TMCO4: variants seen among roughly 807,000 people sequenced by gnomAD.
The protein encoded by TMCO4 is transmembrane and coiled-coil domains 4, also known as transmembrane and coiled-coil domain-containing protein 4.
A neutral mutation model predicts 64.7 loss-of-function variants in TMCO4; 58 were observed. That is an observed-to-expected ratio of 0.90 (90% CI 0.73 to 1.12). TMCO4 has a LOEUF of 1.12. TMCO4 is among the 50% of genes most tolerant of loss of function. TMCO4 has a pLI of 0.00. For synonymous variants in TMCO4, 325 were observed against 346.1 expected (o/e 0.94, Z 0.68); for missense variants, 780 against 825.9 (o/e 0.94, Z 0.68).
At chr1:19,784,359 C>T (rs374284280) in intron 3 of TMCO4, among the ~76,000 whole-genome samples, 1 of 152,066 alleles carries the variant, frequency 6.6e-6, no homozygotes, top group South Asian at 2.1e-4. Flanking sequence ...CATAGTGAAA[C>T]CCCGTCTCTA....
chr1:19,716,989 C>A (rs2095359825), intron 13 of TMCO4, among the ~76,000 whole-genome samples: 1 of 152,120 alleles, frequency 6.6e-6, no homozygotes, highest in Non-Finnish European at 1.5e-5. Flanking sequence ...GAGTTCGAGA[C>A]CAGCCTGGCC....
At chr1:19,775,051 C>G (rs1463974640) in intron 4 of TMCO4, among the ~76,000 whole-genome samples, 1 of 152,110 alleles carries the variant, frequency 6.6e-6, no homozygotes, top group Non-Finnish European at 1.5e-5. Context: ...ACCTGGCCTG[C>G]TGGGTTTGGT....
intron 13 of TMCO4, among the ~76,000 whole-genome samples, chr1:19,712,607 G>A (rs1396507306): frequency 7.6e-5 from 11 of 144,350 alleles, no homozygotes; most frequent in Non-Finnish European, 1.1e-4. Flanking sequence ...GCAACAGAGC[G>A]AGACTCCGTC....
At chr1:19,716,106 C>T (rs1338826313) in intron 13 of TMCO4, among the ~76,000 whole-genome samples, 1 of 152,064 alleles carries the variant, frequency 6.6e-6, no homozygotes, top group East Asian at 1.9e-4. Flanking sequence ...TGTTTGAGCC[C>T]AGGAGTTTGA....
At position 19,696,362 on chromosome 1, in the gene TMCO4, C is replaced by T. The variant is rs551588493; in HGVS notation, c.1383-1811G>A. 9.2e-5 allele frequency among the ~76,000 whole-genome samples: 14 copies of T among 152,104 alleles called. No homozygotes were observed. The South Asian group carries it at 2.9e-3, about 32-fold the overall frequency. Reference sequence around the variant, plus strand: ...CCCAGGCATTTGAGACCAGCCTAGGCAACACAGGGAGACCCCATCTCTACA... The same window carrying T: ...CCCAGGCATTTGAGACCAGCCTAGGTAACACAGGGAGACCCCATCTCTACA... On this transcript the variant is annotated intron_variant, in intron 14 of 15. Transcript: ENST00000294543.
chr1:19,756,930 G>C (rs1435526181), intron 6 of TMCO4, among the ~76,000 whole-genome samples: 1 of 152,134 alleles, frequency 6.6e-6, no homozygotes, highest in African/African-American at 2.4e-5. Context: ...AATTTTTAAT[G>C]CATAGAAGAG....
chr1:19,796,293 T>TG (rs558921159), intron 2 of TMCO4, among the ~76,000 whole-genome samples: 348 of 152,142 alleles, frequency 2.3e-3, no homozygotes, highest in African/African-American at 8.1e-3. Context: ...TTTACTAAGG[T>TG]GGGGGGTCAG....
intron 9 of TMCO4, among the ~76,000 whole-genome samples, chr1:19,745,961 G>A (rs1196714040): frequency 6.6e-6 from 1 of 152,140 alleles, no homozygotes; most frequent in Non-Finnish European, 1.5e-5. Flanking sequence ...CACACCGCAG[G>A]GGTAGAACAC....
rs534522152 is a variant in TMCO4, at chr1:19,700,388, C to T, written c.1382+380G>A. On this transcript the variant is annotated intron_variant, in intron 14 of 15. Transcript: ENST00000294543. ...CCACCACCAAAGACTAACACAGAAG[C>T]CTCTCAGACCTTGTTCAAACACCTC... is the stretch of plus-strand genomic sequence containing the variant. Among the ~76,000 whole-genome samples, 3 of 152,260 alleles carry T rather than the reference C, an allele frequency of 2.0e-5. No homozygotes were observed. The East Asian group carries it at 5.8e-4, about 29-fold the overall frequency.
chr1:19,780,612 G>A lies in TMCO4; in HGVS notation c.147C>T (p.Ser49=), dbSNP rs1479976626. Residue 49 remains serine, a synonymous_variant, in exon 4 of 16, where the codon TCC becomes TCT. Coordinates refer to ENST00000294543, the MANE Select transcript of TMCO4 (RefSeq NM_181719.7). Reference sequence around the variant, plus strand: ...CGGGTTCAGGAAATAACTGGGACAGGGAGATGCCACAGAGGGCAGCATAGG... The same window carrying A: ...CGGGTTCAGGAAATAACTGGGACAGAGAGATGCCACAGAGGGCAGCATAGG... ...RFAYAALCGI[S]LSQLFPEPEH... 1 of 1,611,488 alleles carries A rather than the reference G, an allele frequency of 6.2e-7. No individual in the cohort carries two copies. Among genetic ancestry groups the A allele is most frequent in the South Asian group, 1.1e-5 (1 of 90,594 alleles).
At chr1:19,737,187 T>C (rs540484384) in intron 13 of TMCO4, among the ~76,000 whole-genome samples, 185 bp downstream of exon 13, 6 of 152,360 alleles carry the variant, frequency 3.9e-5, no homozygotes, top group Admixed American at 6.5e-5. Context: ...AATGTATGTA[T>C]ATAAAATCAT....
intron 8 of TMCO4, 108 bp downstream of exon 8, chr1:19,747,055 G>A: frequency 8.9e-7 from 1 of 1,118,476 alleles, no homozygotes. Flanking sequence ...ACATGCCAGG[G>A]GCCACCTCCC....
chr1:19,688,558 T>C (rs1457632345), intron 15 of TMCO4, among the ~76,000 whole-genome samples: 2 of 152,166 alleles, frequency 1.3e-5, no homozygotes. Flanking sequence ...GTGGCTTTGA[T>C]AATACATGTA....
chr1:19,799,610 A>G (rs1210492633), intron 1 of TMCO4, among the ~76,000 whole-genome samples: 4 of 152,192 alleles, frequency 2.6e-5, no homozygotes, highest in African/African-American at 9.6e-5. Context: ...CAAGATTTCT[A>G]AAAGCACTTC....
At chr1:19,731,004 G>A (rs889738083) in intron 13 of TMCO4, among the ~76,000 whole-genome samples, 1 of 152,230 alleles carries the variant, frequency 6.6e-6, no homozygotes, top group Non-Finnish European at 1.5e-5. Flanking sequence ...TTAAACAGCA[G>A]GGCTGCCTGA....
chr1:19,696,121 C>T (rs756015436), intron 14 of TMCO4, among the ~76,000 whole-genome samples: 1 of 152,194 alleles, frequency 6.6e-6, no homozygotes, highest in African/African-American at 2.4e-5. Flanking sequence ...CCACTGTGCT[C>T]CCTTATAAGC....
At chr1:19,759,225 A>AC in intron 6 of TMCO4, among the ~76,000 whole-genome samples, 1 of 151,598 alleles carries the variant, frequency 6.6e-6, no homozygotes, top group Non-Finnish European at 1.5e-5. Flanking sequence ...GCTGATGCTG[A>AC]CAGCTGCACC....
Position 19,740,158 on chromosome 1 carries a change from A to T in TMCO4, c.1043-198T>A, listed in dbSNP as rs141506304. On this transcript the variant is annotated intron_variant, in intron 11 of 15. Transcript: ENST00000294543. ...ATATGGACTCAATCCCTTCTGCTCA[A>T]GCCCTTGTCACGTGTGAGATGGCCC... is the stretch of plus-strand genomic sequence containing the variant. Among the ~76,000 whole-genome samples the T allele has an allele frequency of 5.6e-3, 855 of 152,308 alleles. 6 individuals are homozygous for T. The highest frequency in any genetic ancestry group is 0.019 in the African/African-American group (769 of 41,566).
intron 13 of TMCO4, among the ~76,000 whole-genome samples, chr1:19,717,022 AC>A (rs1229654878): frequency 6.6e-6 from 1 of 152,134 alleles, no homozygotes; most frequent in Non-Finnish European, 1.5e-5. Flanking sequence ...CCCCATCTCT[AC>A]TAAAAATACA....
Sources: gnomAD v4.1 joint callset for allele counts (sites outside exome capture counted in the v4.1 genomes callset) on GRCh38, gnomAD v4.1.1 for gene constraint, MANE v1.5 for transcripts, NCBI Gene and HGNC (gene_info 2026-07-23, HGNC 2026-07-21) for gene names.